Variants in IFT140 observed in about 807,000 individuals in gnomAD.
IFT140 encodes the protein intraflagellar transport 140, also known as intraflagellar transport protein 140 homolog.
Under a neutral mutation model 164.6 loss-of-function variants are expected in IFT140, and 133 were observed. The ratio of observed to expected loss-of-function variants is 0.81; its 90% CI spans 0.70 to 0.93. The LOEUF (loss-of-function observed/expected upper bound fraction) is 0.93, where lower values mean the gene tolerates loss of function less well. IFT140 is among the 40% of genes least tolerant of loss of function. The pLI, the probability that IFT140 is intolerant of heterozygous loss-of-function variation, is 0.00. For missense variants in IFT140, 2,045 were observed against 1,972.3 expected, an observed-to-expected ratio of 1.04 and a Z score of -0.70; for synonymous variants, 860 against 817.3, an observed-to-expected ratio of 1.05 and a Z score of -0.89.
rs150872908 is a variant in IFT140, at chr16:1,548,090, C to A, written c.2399+9845G>T. Among the ~76,000 whole-genome samples the A allele has an allele frequency of 9.5e-4, 144 of 152,346 alleles. 4 individuals carry two copies. The South Asian group carries it at 0.028, about 30-fold the overall frequency. The stretch of plus-strand genomic sequence containing the variant: ...GGCTGTTGAGAGCTTCGGAGCCTCT[C>A]GCTCTTCCCTCCCAGGGCCTCTCCC... On this transcript the variant is annotated intron_variant, in intron 19 of 30. Transcript: ENST00000426508.
chr16:1,586,341 T>G, intron 9 of IFT140, 66 bp from the exon 10 acceptor site: 9 of 1,497,480 alleles, frequency 6.0e-6, no homozygotes, highest in Non-Finnish European at 8.2e-6. Flanking sequence ...CAACAAGCTC[T>G]GTTCTCTAAC....
At position 1,607,305 on chromosome 16, in the gene IFT140, G is replaced by GAAAAAAAAAAAA. The variant is rs149450334; in HGVS notation, c.-31-9_-31-8insTTTTTTTTTTTT. The GAAAAAAAAAAAA allele has an allele frequency of 6.7e-7, 1 of 1,503,734 alleles. No individual in the cohort carries two copies. Among genetic ancestry groups the GAAAAAAAAAAAA allele is most frequent in the Admixed American group, 2.1e-5 (1 of 47,898 alleles). The allele number at this position is 1,503,734 out of a possible 1,614,324, so 93.1% of individuals were successfully genotyped here. On this transcript the variant is annotated splice_polypyrimidine_tract_variant and intron_variant, in intron 2 of 30. Coordinates refer to ENST00000426508, the MANE Select transcript of IFT140 (RefSeq NM_014714.4). ...CCTCCTCAGCGCTGAAACCTGCAGG[G>GAAAAAAAAAAAA]AAAAAAAAATGACCAAGTCCAATCA... is the stretch of plus-strand genomic sequence containing the variant.
intron 14 of IFT140, among the ~76,000 whole-genome samples, chr16:1,569,014 T>C (rs1205950541): frequency 6.6e-6 from 1 of 150,454 alleles, no homozygotes; most frequent in Non-Finnish European, 1.5e-5. Flanking sequence ...TTTTTTTTTT[T>C]TTTTTTTTGA....
chr16:1,520,731 G>A lies in IFT140; in HGVS notation c.3531C>T (p.Ala1177=). ...TEEMAEKMTV[A]KDSSDLPEES... ...CCTCAGGCAGGTCCGAGGAGTCCTT[G>A]GCCACGGTCATCTTTTCCGCCATCT... The change falls in exon 27 of 31, where the codon GCC becomes GCT. Residue 1177 remains alanine, a synonymous_variant. Coordinates refer to ENST00000426508, the MANE Select transcript of IFT140 (RefSeq NM_014714.4). 1 of 1,611,590 alleles carries A rather than the reference G, an allele frequency of 6.2e-7. No individual in the cohort carries two copies.
intron 19 of IFT140, among the ~76,000 whole-genome samples, chr16:1,550,871 C>T (rs912704614): frequency 2.0e-5 from 3 of 152,346 alleles, no homozygotes; most frequent in Admixed American, 1.3e-4. Context: ...CTGACCCTAG[C>T]GTGGTCCCCG....
At chr16:1,559,760 G>C (rs533772650) in intron 18 of IFT140, among the ~76,000 whole-genome samples, 1 of 152,156 alleles carries the variant, frequency 6.6e-6, no homozygotes, top group African/African-American at 2.4e-5. Context: ...AATAGACCTC[G>C]GTAAAGCGAA....
rs1434127028 is a variant in IFT140, at chr16:1,564,824, G to A, written c.1902-662C>T. ...GGCAGCACGACCCATGGCTGCTGAA[G>A]AAGGACAGGACCCGGTGCTGCAGGA... On this transcript the variant is annotated intron_variant, in intron 16 of 30. Transcript: ENST00000426508. The surrounding 1 kb of genome is among the most constrained non-coding windows in gnomAD (Gnocchi z 5.5). 1.3e-5 allele frequency among the ~76,000 whole-genome samples: 2 copies of A among 152,222 alleles called. No homozygotes were observed. Among genetic ancestry groups the A allele is most frequent in the Non-Finnish European group, 2.9e-5 (2 of 68,038 alleles).
chr16:1,534,663 T>G, intron 19 of IFT140: 1 of 1,514,580 alleles, frequency 6.6e-7, no homozygotes, highest in Non-Finnish European at 9.0e-7. Flanking sequence ...TGGCCCCTGC[T>G]CTGCCCTGAG....
At chr16:1,557,684 C>T (rs750425591) in intron 19 of IFT140, 25 of 515,158 alleles carry the variant, frequency 4.9e-5, no homozygotes, top group African/African-American at 1.1e-4. Flanking sequence ...TGTTTAGGAA[C>T]GGCAGAACTT....
intron 18 of IFT140, among the ~76,000 whole-genome samples, chr16:1,559,529 G>C (rs921029881): frequency 7.2e-5 from 11 of 152,182 alleles, no homozygotes; most frequent in African/African-American, 2.7e-4. Flanking sequence ...GACAAAAGAC[G>C]TCATGGCTAG....
chr16:1,532,805 G>A (rs556956596), intron 19 of IFT140: 1 of 152,372 alleles, frequency 6.6e-6, no homozygotes, highest in South Asian at 2.1e-4. Context: ...GAATAATTCT[G>A]AGCAGAATAG....
chr16:1,529,842 C>T (rs1040434938), intron 19 of IFT140, among the ~76,000 whole-genome samples: 5 of 152,204 alleles, frequency 3.3e-5, no homozygotes, highest in Non-Finnish European at 2.9e-5. Context: ...CTCCCCAGAA[C>T]GCTGCTGGGC....
intron 11 of IFT140, among the ~76,000 whole-genome samples, chr16:1,583,735 T>C (rs1213972689): frequency 6.6e-6 from 1 of 152,014 alleles, no homozygotes; most frequent in Non-Finnish European, 1.5e-5. Flanking sequence ...CAGGTGTATA[T>C]ATTTTTTATT....
At position 1,564,768 on chromosome 16, in the gene IFT140, C is replaced by T. The variant is rs1013877075; in HGVS notation, c.1902-606G>A. On this transcript the variant is annotated intron_variant, in intron 16 of 30. Transcript: ENST00000426508. The surrounding 1 kb of genome is among the most constrained non-coding windows in gnomAD (Gnocchi z 5.5). ...CTCATTCGCCGCCCCCAGGGTGTCA[C>T]GAACCCAGGCTGCAGAGTGGGACCC... Among the ~76,000 whole-genome samples, 1 of 152,202 alleles carries T rather than the reference C, an allele frequency of 6.6e-6. No individual in the cohort carries two copies. Among genetic ancestry groups the T allele is most frequent in the Admixed American group, 6.5e-5 (1 of 15,292 alleles).
chr16:1,544,891 G>A (rs913893826), intron 19 of IFT140, among the ~76,000 whole-genome samples: 11 of 151,844 alleles, frequency 7.2e-5, no homozygotes, highest in South Asian at 4.2e-4. Flanking sequence ...CTTGTGATCC[G>A]CCCGCCTCGG....
chr16:1,597,595 G>C (rs2035530149), intron 4 of IFT140, among the ~76,000 whole-genome samples: 1 of 152,108 alleles, frequency 6.6e-6, no homozygotes, highest in South Asian at 2.1e-4. Flanking sequence ...GCAGTGTAGA[G>C]TTCCGAGTGT....
intron 19 of IFT140, chr16:1,540,837 A>G: frequency 1.0e-6 from 1 of 985,444 alleles, no homozygotes; most frequent in South Asian, 4.7e-5. Flanking sequence ...AATAGAAAAC[A>G]AGGCATGGCG....
intron 3 of IFT140, 98 bp downstream of exon 3, chr16:1,607,022 G>GCA (rs200397285): frequency 2.6e-5 from 31 of 1,179,760 alleles, no homozygotes; most frequent in Non-Finnish European, 3.6e-5. Context: ...ACACCCATAG[G>GCA]CACACACACA....
chr16:1,598,942 C>G (rs1429229591), intron 4 of IFT140, among the ~76,000 whole-genome samples: 1 of 146,620 alleles, frequency 6.8e-6, no homozygotes, highest in South Asian at 2.3e-4. Context: ...CGTCTCCGCC[C>G]GGCCGCCATC....
Sources: allele counts gnomAD v4.1 joint callset (sites outside exome capture counted in the v4.1 genomes callset), GRCh38; gene constraint gnomAD v4.1.1; non-coding constraint Gnocchi (gnomAD v3.1); transcripts MANE v1.5; gene names NCBI Gene and HGNC (gene_info 2026-07-23, HGNC 2026-07-21).